FGF12: variants seen among roughly 807,000 people sequenced by gnomAD.
FGF12 encodes the protein fibroblast growth factor 12B.
In FGF12, 14 loss-of-function variants were observed where a neutral mutation model predicts 23.6. That is an observed-to-expected ratio of 0.59 (90% confidence interval 0.39 to 0.93). The LOEUF (loss-of-function observed/expected upper bound fraction) is 0.93. Among genes scored for constraint, FGF12 ranks in the 40% least tolerant of loss-of-function variants. The probability of loss-of-function intolerance (pLI) is 0.00; values close to 1 mark genes in which losing one functional copy is unlikely to be tolerated. For missense variants in FGF12, 175 were observed against 217.8 expected, an observed-to-expected ratio of 0.80 and a Z score of 1.24; for synonymous variants, 62 against 77.3, an observed-to-expected ratio of 0.80 and a Z score of 1.04.
chr3:192,607,860 A>G (rs1328777962), intron 2 of FGF12, among the ~76,000 whole-genome samples: 1 of 151,566 alleles, frequency 6.6e-6, no homozygotes, highest in Admixed American at 6.6e-5. Context: ...AAAAAAAAAA[A>G]AAAAAAAGAA....
chr3:192,613,737 C>T (rs1714641740), intron 2 of FGF12, among the ~76,000 whole-genome samples: 1 of 151,902 alleles, frequency 6.6e-6, no homozygotes, highest in Non-Finnish European at 1.5e-5. Context: ...TACCAAGACA[C>T]ATTCCTACTT....
intron 2 of FGF12, among the ~76,000 whole-genome samples, chr3:192,431,603 A>G (rs930050948): frequency 6.6e-6 from 1 of 152,188 alleles, no homozygotes; most frequent in East Asian, 1.9e-4. Flanking sequence ...ACAGAAAACA[A>G]TTCTGATAGA....
chr3:192,234,437 T>C (rs1719178600), intron 4 of FGF12, among the ~76,000 whole-genome samples: 1 of 152,220 alleles, frequency 6.6e-6, no homozygotes. Context: ...AGCTTTTGGA[T>C]GGAGACTATG....
chr3:192,374,974 A>G (rs1046048520), intron 2 of FGF12, among the ~76,000 whole-genome samples: 17 of 152,214 alleles, frequency 1.1e-4, no homozygotes, highest in Non-Finnish European at 1.8e-4. Context: ...AACGAGATGC[A>G]GACATATTTC....
chr3:192,461,056 T>A (rs79821552), intron 2 of FGF12, among the ~76,000 whole-genome samples: 1,714 of 152,322 alleles, frequency 0.011, 44 homozygotes, highest in African/African-American at 0.038. Flanking sequence ...TTTCAAGTAA[T>A]GTTTACTCAA....
chr3:192,627,852 A>ATG (rs138709721), intron 2 of FGF12, among the ~76,000 whole-genome samples: 6,513 of 147,290 alleles, frequency 0.044, 140 homozygotes, highest in Middle Eastern at 0.11. Flanking sequence ...GTGTGTGTGC[A>ATG]TGTGTGTGTG....
rs1260667103 is a variant in FGF12 at position 192,336,234 on chromosome 3, T to C, written c.125-770A>G. On this transcript the variant is annotated intron_variant, in intron 3 of 5. Transcript: ENST00000445105. This position sits in a 1 kb window ranked among gnomAD's most constrained non-coding sequence, Gnocchi z 4.3. The stretch of plus-strand genomic sequence containing the variant: ...TATACTCAAAACCATTAAGAATTAA[T>C]TTGACAAAAGTAATTCAACATCCTA... Among the ~76,000 whole-genome samples the C allele has an allele frequency of 6.6e-6, 1 of 151,710 alleles. No individual in the cohort carries two copies. The highest frequency in any genetic ancestry group is 1.9e-4 in the East Asian group (1 of 5,176).
intron 2 of FGF12, among the ~76,000 whole-genome samples, chr3:192,548,091 G>A (rs1388388719): frequency 6.6e-6 from 1 of 152,106 alleles, no homozygotes; most frequent in Non-Finnish European, 1.5e-5. Context: ...GCTTCTAAGT[G>A]AGTAAATACT....
At chr3:192,707,495 C>T (rs1362888284) in intron 2 of FGF12, among the ~76,000 whole-genome samples, 2 of 152,092 alleles carry the variant, frequency 1.3e-5, no homozygotes, top group Non-Finnish European at 2.9e-5. Flanking sequence ...CGCCTGTAAT[C>T]CCAGCACTTT....
chr3:192,435,069 C>T (rs539705611), intron 2 of FGF12, among the ~76,000 whole-genome samples: 75 of 152,238 alleles, frequency 4.9e-4, no homozygotes, highest in African/African-American at 1.8e-3. Flanking sequence ...CTCCTATCCC[C>T]GTCTTGGTCT....
chr3:192,450,884 GGTTACAGCTTCCTGTATAT>G (rs1335492368), intron 2 of FGF12, among the ~76,000 whole-genome samples: 1 of 152,114 alleles, frequency 6.6e-6, no homozygotes, highest in African/African-American at 2.4e-5. Flanking sequence ...CATTTCCATT[GGTTACAGCTTCCTGTATAT>G]GTTCAACACA....
In FGF12 at chr3:192,567,928, G is replaced by T. The variant is rs1032348577; in HGVS notation, c.13+159253C>A. ...GCTCACTACAACTTCCCCCTCCTAG[G>T]TGCAAGTGATTCTCCTGCCTCAGCC... On this transcript the variant is annotated intron_variant, in intron 2 of 5. Transcript: ENST00000445105. Among the ~76,000 whole-genome samples the T allele has an allele frequency of 2.0e-5, 3 of 151,376 alleles. No homozygotes were observed. In the East Asian group the frequency reaches 5.8e-4, roughly 29 times the overall value.
chr3:192,668,023 G>A (rs1176672481), intron 2 of FGF12, among the ~76,000 whole-genome samples: 1 of 152,076 alleles, frequency 6.6e-6, no homozygotes, highest in Non-Finnish European at 1.5e-5. Flanking sequence ...TCATCGTTGT[G>A]ATGTTTGTAA....
At chr3:192,252,156 T>C (rs1478280516) in intron 4 of FGF12, among the ~76,000 whole-genome samples, 1 of 151,888 alleles carries the variant, frequency 6.6e-6, no homozygotes, top group Non-Finnish European at 1.5e-5. Flanking sequence ...TGCGAAATAT[T>C]CAGGCTCTTA....
chr3:192,480,373 C>G (rs915318503), intron 2 of FGF12, among the ~76,000 whole-genome samples: 2 of 152,176 alleles, frequency 1.3e-5, no homozygotes, highest in Non-Finnish European at 2.9e-5. Flanking sequence ...CTTCACTTCT[C>G]CTCTAAATAC....
At chr3:192,702,710 A>G (rs748929633) in intron 2 of FGF12, among the ~76,000 whole-genome samples, 2 of 152,112 alleles carry the variant, frequency 1.3e-5, no homozygotes, top group Non-Finnish European at 2.9e-5. Context: ...CAGGATCACT[A>G]GAACCCGGGA....
At chr3:192,621,245 A>AT (rs1714964236) in intron 2 of FGF12, among the ~76,000 whole-genome samples, 5 of 152,294 alleles carry the variant, frequency 3.3e-5, no homozygotes, top group Admixed American at 6.5e-5. Context: ...AGAGAAATGT[A>AT]CTTCCTCAAT....
intron 2 of FGF12, among the ~76,000 whole-genome samples, chr3:192,428,553 A>G (rs1202600497): frequency 6.6e-6 from 1 of 152,206 alleles, no homozygotes; most frequent in African/African-American, 2.4e-5. Context: ...TTATTAATAT[A>G]TAAATGATCT....
chr3:192,248,349 C>A (rs1262133327), intron 4 of FGF12, among the ~76,000 whole-genome samples: 3 of 152,182 alleles, frequency 2.0e-5, no homozygotes, highest in Non-Finnish European at 4.4e-5. Flanking sequence ...ATTCTCCATG[C>A]AGCTGCTTTC....
Sources: gnomAD v4.1 joint callset for allele counts (sites outside exome capture counted in the v4.1 genomes callset) on GRCh38, gnomAD v4.1.1 for gene constraint, Gnocchi (gnomAD v3.1) non-coding constraint, MANE v1.5 for transcripts, NCBI Gene and HGNC (gene_info 2026-07-23, HGNC 2026-07-21) for gene names.